The following TMEM40 variants were observed in gnomAD, a reference collection of about 807,000 sequenced individuals.
TMEM40 encodes transmembrane protein 40.
A neutral mutation model predicts 40.8 loss-of-function variants in TMEM40; 34 were observed. That is an observed-to-expected ratio of 0.83 (90% CI 0.63 to 1.11). TMEM40 has a LOEUF of 1.11. Ranked by LOEUF, TMEM40 falls within the 50% of genes least tolerant of loss-of-function variation. The pLI, the probability that TMEM40 is intolerant of heterozygous loss-of-function variation, is 0.00. For synonymous variants in TMEM40, 106 were observed against 107.0 expected (o/e 0.99, Z 0.06); for missense variants, 296 against 280.2 (o/e 1.06, Z -0.40).
chr3:12,755,317 C>T (rs1265573420), intron 1 of TMEM40, among the ~76,000 whole-genome samples: 1 of 144,534 alleles, frequency 6.9e-6, no homozygotes, highest in Non-Finnish European at 1.5e-5. Context: ...ACTTTGTCAC[C>T]CAGGCTCAAG....
chr3:12,744,252 G>A (rs2061408862), intron 3 of TMEM40, among the ~76,000 whole-genome samples: 1 of 152,102 alleles, frequency 6.6e-6, no homozygotes, highest in South Asian at 2.1e-4. Flanking sequence ...CTTCCATGAA[G>A]ATAAGATAAG....
chr3:12,740,626 G>A (rs1005734931), intron 5 of TMEM40, among the ~76,000 whole-genome samples: 2 of 151,848 alleles, frequency 1.3e-5, no homozygotes, highest in African/African-American at 4.8e-5. Flanking sequence ...GGAAGGCCGA[G>A]GTGGGTAGAT....
intron 1 of TMEM40, among the ~76,000 whole-genome samples, chr3:12,750,595 T>C (rs1320395295): frequency 2.6e-5 from 4 of 152,190 alleles, no homozygotes; most frequent in Non-Finnish European, 5.9e-5. Context: ...GTAGATTTAC[T>C]AGTCTCTGAT....
upstream of TMEM40, among the ~76,000 whole-genome samples, chr3:12,761,284 G>A (rs1336606579): frequency 6.6e-6 from 1 of 151,718 alleles, no homozygotes; most frequent in Non-Finnish European, 1.5e-5. Flanking sequence ...AGCCACCTGA[G>A]AGGGACATGA....
intron 3 of TMEM40, among the ~76,000 whole-genome samples, chr3:12,747,303 G>A (rs963155509): frequency 2.6e-5 from 4 of 151,848 alleles, no homozygotes; most frequent in Non-Finnish European, 5.9e-5. Context: ...TTAGCCTCCC[G>A]GATCCCACAA....
At chr3:12,737,614 A>G (rs1284336452) in intron 8 of TMEM40, 93 bp downstream of exon 8, 2 of 1,176,332 alleles carry the variant, frequency 1.7e-6, no homozygotes, top group Admixed American at 1.7e-5. Context: ...GAGGTGGGCT[A>G]TGATTACTGC....
Position 12,738,567 on chromosome 3 carries a change from G to C in TMEM40, c.377C>G (p.Pro126Arg). The change falls in exon 6 of 12, where the codon CCC becomes CGC. Residue 126 changes from proline to arginine, a missense_variant. Transcript: ENST00000314124. ...TGGACACTCACCTGATTCCCCAGAG[G>C]GTACCACCTCTCCAGGAGCATCTGC... Reference protein sequence around the residue: ...LYGDAPGEVVPSGESGLRRRG... With the variant: ...LYGDAPGEVVRSGESGLRRRG... 1.2e-6 allele frequency: 2 copies of C among 1,614,030 alleles called. No individual in the cohort carries two copies. Among genetic ancestry groups the C allele is most frequent in the Non-Finnish European group, 1.7e-6 (2 of 1,179,998 alleles).
At chr3:12,766,377 C>T (rs961459479) in intron 1 of TMEM40, among the ~76,000 whole-genome samples, 2 of 152,140 alleles carry the variant, frequency 1.3e-5, no homozygotes, top group Non-Finnish European at 2.9e-5. Context: ...GGGCGGATCA[C>T]GAGGTCAGGA....
At chr3:12,761,579 C>T (rs934190075), upstream of TMEM40, among the ~76,000 whole-genome samples, 2 of 149,816 alleles carry the variant, frequency 1.3e-5, no homozygotes, top group African/African-American at 5.0e-5. Flanking sequence ...GCACTCCAAC[C>T]ATGGCAACAG....
At chr3:12,757,159 T>G (rs1411143130) in intron 1 of TMEM40, among the ~76,000 whole-genome samples, 1 of 152,082 alleles carries the variant, frequency 6.6e-6, no homozygotes, top group African/African-American at 2.4e-5. Flanking sequence ...ACAGAAATAG[T>G]CAATAGCACA....
rs747586371 is a variant in TMEM40 at position 12,747,910 on chromosome 3, C to CAAAA, written c.211+741_211+744dup. Reference sequence around the variant, plus strand: ...TGGGCAACAGAGCAAGATTCTGTCTCAAAAAAAAAAAAAAAAAAAAAAAAA... The same window carrying CAAAA: ...TGGGCAACAGAGCAAGATTCTGTCTCAAAAAAAAAAAAAAAAAAAAAAAAAAAAA... On this transcript the variant is annotated intron_variant, in intron 3 of 11. Transcript: ENST00000314124. Among the ~76,000 whole-genome samples, 114 of 27,568 alleles carry CAAAA rather than the reference C, an allele frequency of 4.1e-3. 9 individuals are homozygous for CAAAA. Among genetic ancestry groups the CAAAA allele is most frequent in the African/African-American group, 0.01 (95 of 9,114 alleles). 18.1% of individuals were successfully genotyped at this position (27,568 alleles called of 152,430 possible). A position where few individuals can be genotyped will look rare whatever the true frequency, so the allele number is the denominator to read the frequency against.
chr3:12,755,111 TTTTTC>T (rs1272225380), intron 1 of TMEM40, among the ~76,000 whole-genome samples: 1 of 150,526 alleles, frequency 6.6e-6, no homozygotes. Flanking sequence ...CCTTTTTTCT[TTTTTC>T]TTTTCTATTC....
intron 1 of TMEM40, among the ~76,000 whole-genome samples, chr3:12,756,402 T>C (rs1194920662): frequency 3.3e-5 from 5 of 152,146 alleles, no homozygotes; most frequent in Non-Finnish European, 7.3e-5. Flanking sequence ...AAAAGTTAGA[T>C]GAGTGCTGCT....
At chr3:12,735,720 G>A (rs2061332535) in intron 10 of TMEM40, 103 bp from the exon 11 acceptor site, 2 of 929,076 alleles carry the variant, frequency 2.2e-6, no homozygotes, top group African/African-American at 1.7e-5. Context: ...AAGCTCTGAT[G>A]GTGGAACTTC....
chr3:12,745,114 C>A (rs933611234), intron 3 of TMEM40, among the ~76,000 whole-genome samples: 8 of 152,008 alleles, frequency 5.3e-5, no homozygotes, highest in African/African-American at 1.9e-4. Flanking sequence ...GGCTGAAGTG[C>A]AATGGCGTGA....
chr3:12,744,016 G>A (rs755034466), intron 3 of TMEM40, 27 bp from the exon 4 acceptor site: 242 of 1,605,792 alleles, frequency 1.5e-4, no homozygotes, highest in Non-Finnish European at 1.9e-4. Context: ...CAAGCTGTAG[G>A]AGAAGCTCAG....
chr3:12,757,351 C>T (rs979150339), intron 1 of TMEM40, among the ~76,000 whole-genome samples: 6 of 151,984 alleles, frequency 3.9e-5, no homozygotes, highest in African/African-American at 1.5e-4. Context: ...TGCCTGTAAT[C>T]CCAGCTACTC....
At chr3:12,741,886 G>C (rs2061385327) in intron 5 of TMEM40, among the ~76,000 whole-genome samples, 1 of 152,080 alleles carries the variant, frequency 6.6e-6, no homozygotes, top group Admixed American at 6.5e-5. Context: ...CTTGAGCTCA[G>C]TAGTTCGAGA....
At chr3:12,769,211 C>A in intron 1 of TMEM40, 1 of 363,794 alleles carries the variant, frequency 2.7e-6, no homozygotes, top group Non-Finnish European at 5.8e-6. Flanking sequence ...TCAAGTGCTG[C>A]GTGCAGCCCC....
Sources: allele counts gnomAD v4.1 joint callset (sites outside exome capture counted in the v4.1 genomes callset), GRCh38; gene constraint gnomAD v4.1.1; transcripts MANE v1.5; gene names NCBI Gene and HGNC (gene_info 2026-07-23, HGNC 2026-07-21).